SLC35F4: variants seen among roughly 807,000 people sequenced by gnomAD.
SLC35F4 encodes chromosome 14 open reading frame 36.
In SLC35F4, 24 loss-of-function variants were observed where a neutral mutation model predicts 44.2. That is an observed-to-expected ratio of 0.54 (90% CI 0.39 to 0.76). The LOEUF (loss-of-function observed/expected upper bound fraction) is 0.76. SLC35F4 is among the 30% of genes least tolerant of loss of function. The probability of loss-of-function intolerance (pLI) is 0.00; values close to 1 mark genes in which losing one functional copy is unlikely to be tolerated. For synonymous variants in SLC35F4, 238 were observed against 223.6 expected, an observed-to-expected ratio of 1.06 and a Z score of -0.57; for missense variants, 562 against 586.1, an observed-to-expected ratio of 0.96 and a Z score of 0.42.
At chr14:57,916,160 C>G (rs1020968890) in intron 1 of SLC35F4, among the ~76,000 whole-genome samples, 10 of 152,142 alleles carry the variant, frequency 6.6e-5, no homozygotes, top group Non-Finnish European at 1.3e-4. Context: ...AAGGGGGAAG[C>G]AGGGATGAAA....
Position 57,633,255 on chromosome 14 carries a change from G to A in SLC35F4, c.104-39131C>T, listed in dbSNP as rs139639363. On this transcript the variant is annotated intron_variant, in intron 1 of 7. Transcript: ENST00000556826. ...CTCCTTTGAATGAACACCAAGGAGT[G>A]AGATTACTGGATTTTACAGTAAGAG... Among the ~76,000 whole-genome samples, 150 of 152,224 alleles carry A rather than the reference G, an allele frequency of 9.9e-4. 2 individuals are homozygous for A. Among genetic ancestry groups the A allele is most frequent in the Admixed American group, 9.0e-3 (137 of 15,288 alleles).
chr14:57,972,760 C>G (rs1222410414), downstream of SLC35F4, among the ~76,000 whole-genome samples: 1 of 152,174 alleles, frequency 6.6e-6, no homozygotes, highest in African/African-American at 2.4e-5. Flanking sequence ...AGAGTGAGAG[C>G]ATAGTAGCCA....
intron 1 of SLC35F4, among the ~76,000 whole-genome samples, chr14:57,744,788 TC>T (rs1486821350): frequency 2.6e-5 from 4 of 152,010 alleles, no homozygotes; most frequent in Non-Finnish European, 4.4e-5. Context: ...GCCAAGACAA[TC>T]CTAAGCCAAA....
At chr14:57,914,420 G>A (rs768327277) in intron 1 of SLC35F4, among the ~76,000 whole-genome samples, 1 of 152,120 alleles carries the variant, frequency 6.6e-6, no homozygotes, top group Non-Finnish European at 1.5e-5. Context: ...AAAATAAGCC[G>A]GGCATGGTGG....
At chr14:57,870,152 G>C (rs994262286), upstream of SLC35F4, among the ~76,000 whole-genome samples, 4 of 147,682 alleles carry the variant, frequency 2.7e-5, no homozygotes, top group Admixed American at 1.3e-4. Context: ...GTGTGTGTGT[G>C]TGTGTCTGTG....
At chr14:57,779,289 C>T (rs8014136) in intron 1 of SLC35F4, among the ~76,000 whole-genome samples, 1,913 of 151,802 alleles carry the variant, frequency 0.013, 32 homozygotes, top group African/African-American at 0.042. Flanking sequence ...TAATTAGAAA[C>T]GATAAAGGAG....
intron 1 of SLC35F4, among the ~76,000 whole-genome samples, chr14:57,634,694 G>A (rs879335631): frequency 6.6e-6 from 1 of 152,114 alleles, no homozygotes; most frequent in Non-Finnish European, 1.5e-5. Flanking sequence ...ATAATTCAAA[G>A]CTATTGCATG....
chr14:57,647,809 C>A (rs1594697573), intron 1 of SLC35F4, among the ~76,000 whole-genome samples: 1 of 152,252 alleles, frequency 6.6e-6, no homozygotes, highest in South Asian at 2.1e-4. Context: ...TAATCGGGTT[C>A]TTCATCCTCT....
At chr14:57,963,199 A>T (rs538202150) in intron 1 of SLC35F4, among the ~76,000 whole-genome samples, 1 of 152,190 alleles carries the variant, frequency 6.6e-6, no homozygotes, top group East Asian at 1.9e-4. Flanking sequence ...AGCCACATGG[A>T]TTTTTCCAAC....
At chr14:57,696,450 T>A (rs1311551998) in intron 1 of SLC35F4, among the ~76,000 whole-genome samples, 1 of 152,148 alleles carries the variant, frequency 6.6e-6, no homozygotes, top group East Asian at 1.9e-4. Flanking sequence ...GAAATAGGAA[T>A]GGTTTTACAC....
intron 1 of SLC35F4, among the ~76,000 whole-genome samples, chr14:57,752,028 G>A (rs60059107): frequency 0.021 from 3,225 of 151,812 alleles, 46 homozygotes; most frequent in East Asian, 0.037. Context: ...GAAAATTGCC[G>A]ATTAGACCTT....
At chr14:57,738,588 G>GA (rs1357706557) in intron 1 of SLC35F4, among the ~76,000 whole-genome samples, 2 of 151,286 alleles carry the variant, frequency 1.3e-5, no homozygotes, top group African/African-American at 2.4e-5. Context: ...ATGTTTAAGG[G>GA]AAAAAAATGA....
intron 1 of SLC35F4, among the ~76,000 whole-genome samples, chr14:57,650,186 G>A (rs1038838054): frequency 1.3e-5 from 2 of 151,908 alleles, no homozygotes; most frequent in African/African-American, 4.8e-5. Context: ...GATCTCATTC[G>A]GGCCTATGGA....
chr14:57,795,478 C>G (rs910214978), intron 1 of SLC35F4, among the ~76,000 whole-genome samples: 1 of 152,094 alleles, frequency 6.6e-6, no homozygotes. Flanking sequence ...GAATTTCTGG[C>G]CAACTTTACA....
intron 1 of SLC35F4, among the ~76,000 whole-genome samples, chr14:57,947,702 C>A (rs1890061614): frequency 6.6e-6 from 1 of 152,148 alleles, no homozygotes; most frequent in African/African-American, 2.4e-5. Flanking sequence ...TATGTCCCAT[C>A]TACACCAATT....
At chr14:57,886,007 T>C (rs1016358073) in intron 1 of SLC35F4, among the ~76,000 whole-genome samples, 2 of 152,198 alleles carry the variant, frequency 1.3e-5, no homozygotes, top group African/African-American at 4.8e-5. Context: ...ACCTAATAAA[T>C]ATTGCAGACT....
intron 1 of SLC35F4, among the ~76,000 whole-genome samples, chr14:57,661,122 C>A (rs2074123949): frequency 6.6e-6 from 1 of 152,010 alleles, no homozygotes; most frequent in African/African-American, 2.4e-5. Context: ...TTGGAGTAAC[C>A]CTTTCAGGCC....
intron 1 of SLC35F4, among the ~76,000 whole-genome samples, chr14:57,678,125 A>T (rs4359346): frequency 0.23 from 35,656 of 151,944 alleles, 4,234 homozygotes; most frequent in South Asian, 0.31. Context: ...GCAAGAGAGA[A>T]TGGTTGGGGT....
chr14:57,642,576 A>C (rs1419252178), intron 1 of SLC35F4, among the ~76,000 whole-genome samples: 1 of 151,980 alleles, frequency 6.6e-6, no homozygotes, highest in East Asian at 1.9e-4. Flanking sequence ...AACACAAAAC[A>C]TCTGGACAAA....
Sources: gnomAD v4.1 joint callset for allele counts (sites outside exome capture counted in the v4.1 genomes callset) on GRCh38, gnomAD v4.1.1 for gene constraint, MANE v1.5 for transcripts, NCBI Gene and HGNC (gene_info 2026-07-23, HGNC 2026-07-21) for gene names.